The following SDCCAG8 variants were observed in gnomAD, a reference collection of about 807,000 sequenced individuals.
SDCCAG8 encodes SHH signaling and ciliogenesis regulator SDCCAG8.
SDCCAG8 carries 74 observed loss-of-function variants against 101.8 expected under a neutral mutation model. The observed-to-expected ratio is 0.73, with a 90% CI of 0.60 to 0.88. The LOEUF is 0.88. Among genes scored for constraint, SDCCAG8 ranks in the 40% least tolerant of loss-of-function variants. The pLI, the probability that SDCCAG8 is intolerant of heterozygous loss-of-function variation, is 0.00. For synonymous variants in SDCCAG8, 281 were observed against 292.9 expected (o/e 0.96, Z 0.41); for missense variants, 787 against 822.6 (o/e 0.96, Z 0.53).
At chr1:243,263,378 G>C (rs1050922165) in intron 1 of SDCCAG8, among the ~76,000 whole-genome samples, 1 of 152,186 alleles carries the variant, frequency 6.6e-6, no homozygotes, top group Non-Finnish European at 1.5e-5. Context: ...GAGAAATCAC[G>C]ATCTAGAAGT....
chr1:243,352,657 C>T (rs930334848), intron 12 of SDCCAG8, among the ~76,000 whole-genome samples: 1 of 152,192 alleles, frequency 6.6e-6, no homozygotes, highest in African/African-American at 2.4e-5. Context: ...TCACTAATTA[C>T]TACATATGCA....
chr1:243,361,070 A>G (rs1164591895), intron 12 of SDCCAG8, among the ~76,000 whole-genome samples: 1 of 152,048 alleles, frequency 6.6e-6, no homozygotes, highest in Non-Finnish European at 1.5e-5. Context: ...GCTCTCTTGG[A>G]TCCTCTTTTC....
rs1205611379 is a variant in SDCCAG8 at position 243,262,105 on chromosome 1, C to CCTCATGTGGCTCTTCTTAGT, written c.67+5865_67+5866insCTCATGTGGCTCTTCTTAGT. Among the ~76,000 whole-genome samples the CCTCATGTGGCTCTTCTTAGT allele has an allele frequency of 7.3e-3, 841 of 115,596 alleles. 7 individuals are homozygous for CCTCATGTGGCTCTTCTTAGT. Among genetic ancestry groups the CCTCATGTGGCTCTTCTTAGT allele is most frequent in the Non-Finnish European group, 0.01 (546 of 53,204 alleles). 75.8% of individuals were successfully genotyped at this position (115,596 alleles called of 152,430 possible). On this transcript the variant is annotated intron_variant, in intron 1 of 17. Coordinates refer to ENST00000366541, the MANE Select transcript of SDCCAG8 (RefSeq NM_006642.5). Reference sequence around the variant, plus strand: ...GATTACAGGCATGAGCCACGGTGCCCGACTTTTTTTTTTTCTTTTGAGACA... The same window carrying CCTCATGTGGCTCTTCTTAGT: ...GATTACAGGCATGAGCCACGGTGCCCCTCATGTGGCTCTTCTTAGTGACTTTTTTTTTTTCTTTTGAGACA...
rs114805962 is a variant in SDCCAG8, at chr1:243,495,402, G to C, written c.2113-4354G>C. Among the ~76,000 whole-genome samples the C allele has an allele frequency of 4.6e-3, 699 of 152,318 alleles. 8 individuals are homozygous for C. Among genetic ancestry groups the C allele is most frequent in the Non-Finnish European group, 6.4e-3 (433 of 68,022 alleles). The stretch of plus-strand genomic sequence containing the variant: ...CGGAGCCCAGAAGCAGCAAAGCCAA[G>C]CCCTGCGGTGGAAGGGAAGGAGGGC... On this transcript the variant is annotated intron_variant, in intron 17 of 17. Transcript: ENST00000366541.
At chr1:243,288,061 A>G (rs1382414547) in intron 5 of SDCCAG8, among the ~76,000 whole-genome samples, 2 of 152,230 alleles carry the variant, frequency 1.3e-5, no homozygotes, top group East Asian at 3.8e-4. Context: ...AGGTATTGAA[A>G]TGATTACTGC....
intron 6 of SDCCAG8, among the ~76,000 whole-genome samples, chr1:243,299,345 G>A (rs1193218955): frequency 6.6e-6 from 1 of 152,056 alleles, no homozygotes; most frequent in Non-Finnish European, 1.5e-5. Flanking sequence ...CTTTTTTGAA[G>A]TGGGTTTTTA....
chr1:243,485,047 A>G (rs2148243878), intron 16 of SDCCAG8, among the ~76,000 whole-genome samples: 1 of 142,276 alleles, frequency 7.0e-6, no homozygotes, highest in East Asian at 2.2e-4. Context: ...CCATCTCAAA[A>G]AAAAAAAAAG....
At chr1:243,303,283 T>C (rs746050913) in intron 6 of SDCCAG8, among the ~76,000 whole-genome samples, 1 of 152,240 alleles carries the variant, frequency 6.6e-6, no homozygotes, top group East Asian at 1.9e-4. Flanking sequence ...ACTTCTTTTA[T>C]GACGTGGACC....
intron 13 of SDCCAG8, among the ~76,000 whole-genome samples, chr1:243,386,482 G>A (rs1022663399): frequency 3.9e-5 from 6 of 152,076 alleles, no homozygotes; most frequent in South Asian, 4.1e-4. Context: ...CAGGCAGATC[G>A]CGAGAGGTCA....
intron 13 of SDCCAG8, among the ~76,000 whole-genome samples, chr1:243,414,141 T>G (rs2080395255): frequency 6.6e-6 from 1 of 152,108 alleles, no homozygotes; most frequent in Non-Finnish European, 1.5e-5. Flanking sequence ...GTACACAACA[T>G]ATATTGAGGT....
intron 16 of SDCCAG8, among the ~76,000 whole-genome samples, chr1:243,468,058 G>A (rs58360885): frequency 1.1e-3 from 166 of 152,264 alleles, no homozygotes; most frequent in African/African-American, 3.9e-3. Context: ...TTTTCCAGCC[G>A]TTGCTGCAAT....
At chr1:243,438,530 G>GTA (rs1198275645) in intron 16 of SDCCAG8, among the ~76,000 whole-genome samples, 1 of 152,196 alleles carries the variant, frequency 6.6e-6, no homozygotes, top group African/African-American at 2.4e-5. Context: ...GTGTGTGTGT[G>GTA]TGTGTGTGTG....
chr1:243,449,417 G>A (rs562972240), intron 16 of SDCCAG8, among the ~76,000 whole-genome samples: 1 of 152,290 alleles, frequency 6.6e-6, no homozygotes, highest in Non-Finnish European at 1.5e-5. Context: ...TAAAAAATCA[G>A]CTAAATTTGG....
intron 12 of SDCCAG8, among the ~76,000 whole-genome samples, chr1:243,373,154 A>G (rs927483137): frequency 1.3e-5 from 2 of 152,024 alleles, no homozygotes. Flanking sequence ...GGCCAAAAAA[A>G]TGTTTGAAAG....
intron 9 of SDCCAG8, among the ~76,000 whole-genome samples, chr1:243,321,355 T>C (rs1257763332): frequency 6.6e-6 from 1 of 151,750 alleles, no homozygotes; most frequent in Admixed American, 6.6e-5. Context: ...TAGTGCCCCA[T>C]AGGTACTTTT....
chr1:243,367,444 C>A (rs1044768242), intron 12 of SDCCAG8, among the ~76,000 whole-genome samples: 7 of 151,272 alleles, frequency 4.6e-5, no homozygotes, highest in African/African-American at 1.5e-4. Flanking sequence ...TTTTTTTTTA[C>A]ATAAAGTAAA....
chr1:243,354,081 C>T (rs1022470195), intron 12 of SDCCAG8, among the ~76,000 whole-genome samples: 11 of 152,144 alleles, frequency 7.2e-5, no homozygotes, highest in Non-Finnish European at 1.6e-4. Flanking sequence ...AAAGTCATGA[C>T]TTTCTGATTT....
At chr1:243,447,259 A>AC (rs1471856370) in intron 16 of SDCCAG8, among the ~76,000 whole-genome samples, 3 of 149,598 alleles carry the variant, frequency 2.0e-5, no homozygotes, top group Admixed American at 6.7e-5. Flanking sequence ...AAAAAAAAAA[A>AC]AAAAAAAAAA....
chr1:243,377,144 T>C (rs2077645141), intron 12 of SDCCAG8, among the ~76,000 whole-genome samples: 1 of 152,154 alleles, frequency 6.6e-6, no homozygotes, highest in Non-Finnish European at 1.5e-5. Context: ...TATTAACTAC[T>C]GAGTTTAGAG....
Sources: allele counts gnomAD v4.1 joint callset (sites outside exome capture counted in the v4.1 genomes callset), GRCh38; gene constraint gnomAD v4.1.1; transcripts MANE v1.5; gene names NCBI Gene and HGNC (gene_info 2026-07-23, HGNC 2026-07-21).